PDE3A: variants seen among roughly 807,000 people sequenced by gnomAD.
The protein encoded by PDE3A is cGMP-inhibited 3',5'-cyclic phosphodiesterase 3A.
A neutral mutation model predicts 98.3 loss-of-function variants in PDE3A; 43 were observed. That is an observed-to-expected ratio of 0.44 (90% CI 0.34 to 0.56). The LOEUF is 0.56. PDE3A is among the 20% of genes least tolerant of loss of function. The pLI is 0.01. For synonymous variants in PDE3A, 663 were observed against 567.9 expected (o/e 1.17, Z -2.38); for missense variants, 1,427 against 1,440.7 (o/e 0.99, Z 0.15).
At chr12:20,610,243 CA>C (rs2121441159) in intron 2 of PDE3A, among the ~76,000 whole-genome samples, 1 of 152,066 alleles carries the variant, frequency 6.6e-6, no homozygotes, top group South Asian at 2.1e-4. Context: ...AGGACATGAA[CA>C]GACATTTCTC....
At position 20,390,524 on chromosome 12, in the gene PDE3A, G is replaced by T. The variant is rs74509839; in HGVS notation, c.960+20280G>T. On this transcript the variant is annotated intron_variant, in intron 1 of 15. Transcript: ENST00000359062. Reference sequence around the variant, plus strand: ...ATTGATAGTGGAAGGTGTTAACAAAGGGCATGAACGCCACTTAAAACTGTG... The same window carrying T: ...ATTGATAGTGGAAGGTGTTAACAAATGGCATGAACGCCACTTAAAACTGTG... Among the ~76,000 whole-genome samples, 532 of 150,118 alleles carry T rather than the reference G, an allele frequency of 3.5e-3. 20 individuals carry two copies. The East Asian group carries it at 0.083, about 23-fold the overall frequency.
At position 20,643,047 on chromosome 12, in the gene PDE3A, C is replaced by T. The variant is rs567841670; in HGVS notation, c.2251+3090C>T. On this transcript the variant is annotated intron_variant, in intron 10 of 15. Transcript: ENST00000359062. Reference sequence around the variant, plus strand: ...AGTTGAGAAAACAAGTGTATCAAGACGGAAGAGGGAGATGGGCGGACTCTG... The same window carrying T: ...AGTTGAGAAAACAAGTGTATCAAGATGGAAGAGGGAGATGGGCGGACTCTG... Among the ~76,000 whole-genome samples the T allele has an allele frequency of 5.3e-5, 8 of 152,100 alleles. No homozygotes were observed. The East Asian group carries it at 5.8e-4, about 11-fold the overall frequency.
intron 9 of PDE3A, among the ~76,000 whole-genome samples, chr12:20,638,541 G>A (rs1007858853): frequency 4.6e-5 from 7 of 152,004 alleles, no homozygotes; most frequent in Non-Finnish European, 1.0e-4. Flanking sequence ...CTGATCTTCA[G>A]GACAGATTTA....
At chr12:20,649,677 A>G (rs1449114532) in intron 13 of PDE3A, among the ~76,000 whole-genome samples, 2 of 152,114 alleles carry the variant, frequency 1.3e-5, no homozygotes, top group Admixed American at 6.5e-5. Context: ...TATAATCTCA[A>G]CACTTTGGGA....
Position 20,370,253 on chromosome 12 carries a change from T to A in PDE3A, c.960+9T>A. 6.6e-7 allele frequency: 1 copy of A among 1,513,004 alleles called. No individual in the cohort carries two copies. Among genetic ancestry groups the A allele is most frequent in the Non-Finnish European group, 8.8e-7 (1 of 1,132,946 alleles). The allele number at this position is 1,513,004 out of a possible 1,614,324, so 93.7% of individuals were successfully genotyped here. A position where few individuals can be genotyped will look rare whatever the true frequency, so the allele number is the denominator to read the frequency against. ...GTATACCGAGGGAACAGGTAAGCAC[T>A]GGCAACTCCTCTCTCGGCTCTTGGA... On this transcript the variant is annotated intron_variant, in intron 1 of 15. Coordinates refer to ENST00000359062, the MANE Select transcript of PDE3A (RefSeq NM_000921.5).
intron 2 of PDE3A, chr12:20,556,921 T>A: frequency 1.7e-6 from 1 of 605,078 alleles, no homozygotes; most frequent in South Asian, 2.1e-5. Flanking sequence ...CTTTCTGGTA[T>A]CCCAGATTGG....
chr12:20,542,929 A>G (rs867194544), intron 1 of PDE3A, among the ~76,000 whole-genome samples: 1 of 152,088 alleles, frequency 6.6e-6, no homozygotes, highest in South Asian at 2.1e-4. Flanking sequence ...ATCCAGTCAT[A>G]AAACAACAGG....
chr12:20,546,843 G>A (rs1271404809), intron 1 of PDE3A, among the ~76,000 whole-genome samples: 1 of 152,056 alleles, frequency 6.6e-6, no homozygotes, highest in Non-Finnish European at 1.5e-5. Flanking sequence ...TTAAGTAAGA[G>A]TTTGGGGACA....
chr12:20,488,915 C>T lies in PDE3A; in HGVS notation c.961-67745C>T, dbSNP rs371572282. Among the ~76,000 whole-genome samples the T allele has an allele frequency of 1.2e-3, 189 of 151,842 alleles. 1 individual carries two copies. Among genetic ancestry groups the T allele is most frequent in the African/African-American group, 4.3e-3 (178 of 41,440 alleles). On this transcript the variant is annotated intron_variant, in intron 1 of 15. Coordinates refer to ENST00000359062, the MANE Select transcript of PDE3A (RefSeq NM_000921.5). The stretch of plus-strand genomic sequence containing the variant: ...AAAAAAGAGAAAAAGAAGCAGTTCC[C>T]CTAATGATTCTGGATCATTATGCCA...
At chr12:20,568,260 T>G (rs1942710101) in intron 2 of PDE3A, among the ~76,000 whole-genome samples, 1 of 151,970 alleles carries the variant, frequency 6.6e-6, no homozygotes, top group Non-Finnish European at 1.5e-5. Context: ...GTCATAACAT[T>G]TAGCGTTAAG....
chr12:20,418,941 T>C (rs1273878823), intron 1 of PDE3A, among the ~76,000 whole-genome samples: 1 of 152,196 alleles, frequency 6.6e-6, no homozygotes, highest in Non-Finnish European at 1.5e-5. Flanking sequence ...ATGTAAGTAA[T>C]TCTCTCTTGT....
rs912809495 is a variant in PDE3A, at chr12:20,686,576, C to T, written c.*6305C>T. Among the ~76,000 whole-genome samples, 4 of 152,086 alleles carry T rather than the reference C, an allele frequency of 2.6e-5. No homozygotes were observed. Among genetic ancestry groups the T allele is most frequent in the Non-Finnish European group, 4.4e-5 (3 of 67,976 alleles). ...CCTTAATGGTTTAATATTTCCGTGT[C>T]ATTGAAAGTTCCTATTTCAAATTAA... On this transcript the variant is annotated 3_prime_UTR_variant, in exon 16 of 16. Coordinates refer to ENST00000359062, the MANE Select transcript of PDE3A (RefSeq NM_000921.5).
At chr12:20,382,235 G>C (rs1230143973) in intron 1 of PDE3A, among the ~76,000 whole-genome samples, 1 of 151,830 alleles carries the variant, frequency 6.6e-6, no homozygotes, top group African/African-American at 2.4e-5. Context: ...GAACACCTCA[G>C]TTGCTTCTGT....
chr12:20,441,135 A>G (rs997839661), intron 1 of PDE3A, among the ~76,000 whole-genome samples: 6 of 152,218 alleles, frequency 3.9e-5, no homozygotes, highest in Non-Finnish European at 7.3e-5. Context: ...TTAAAGGAAA[A>G]TAGAACATAA....
Position 20,552,114 on chromosome 12 carries a change from G to A in PDE3A, c.961-4546G>A. ...CCGGCAACAAGAGGACCGCGGAACA[G>A]TCTTGTGATCAGAAACTCACCAACA... On this transcript the variant is annotated intron_variant, in intron 1 of 15. Transcript: ENST00000359062. The surrounding 1 kb of genome is among the most constrained non-coding windows in gnomAD (Gnocchi z 5.1). 4 of 1,613,384 alleles carry A rather than the reference G, an allele frequency of 2.5e-6. 1 individual carries two copies. In the South Asian group the frequency reaches 4.4e-5, roughly 18 times the overall value.
At chr12:20,471,363 G>A (rs1208326689) in intron 1 of PDE3A, among the ~76,000 whole-genome samples, 3 of 152,154 alleles carry the variant, frequency 2.0e-5, no homozygotes, top group Non-Finnish European at 2.9e-5. Context: ...TAAATCCGGG[G>A]TAAGGTCAGG....
chr12:20,417,687 A>G (rs1030303824), intron 1 of PDE3A, among the ~76,000 whole-genome samples: 28 of 152,246 alleles, frequency 1.8e-4, no homozygotes, highest in African/African-American at 6.3e-4. Context: ...AAGTATGCAT[A>G]TAACCCACCA....
intron 13 of PDE3A, 45 bp from the exon 14 acceptor site, chr12:20,650,400 G>C: frequency 7.3e-7 from 1 of 1,363,248 alleles, no homozygotes; most frequent in Non-Finnish European, 1.0e-6. Context: ...TTCAACTTTT[G>C]TTTTTATCAA....
At chr12:20,371,438 G>A (rs1943473952) in intron 1 of PDE3A, 2 of 983,206 alleles carry the variant, frequency 2.0e-6, no homozygotes, top group African/African-American at 1.7e-5. Context: ...GGTACTATTA[G>A]GACAACTTTA....
Sources: gnomAD v4.1 joint callset for allele counts (sites outside exome capture counted in the v4.1 genomes callset) on GRCh38, gnomAD v4.1.1 for gene constraint, Gnocchi (gnomAD v3.1) non-coding constraint, MANE v1.5 for transcripts, NCBI Gene and HGNC (gene_info 2026-07-23, HGNC 2026-07-21) for gene names.